Variants in FOXA1 observed in about 807,000 individuals in gnomAD.
The protein encoded by FOXA1 is forkhead box A1.
In FOXA1, 9 loss-of-function variants were observed where a neutral mutation model predicts 29.2. That is an observed-to-expected ratio of 0.31 (90% CI 0.19 to 0.54). The LOEUF is 0.54. Among genes scored for constraint, FOXA1 ranks in the 20% least tolerant of loss-of-function variants. The pLI, the probability that FOXA1 is intolerant of heterozygous loss-of-function variation, is 0.95. For synonymous variants in FOXA1, 340 were observed against 300.9 expected (o/e 1.13, Z -1.34); for missense variants, 644 against 681.2 (o/e 0.95, Z 0.61).
chr14:37,590,538 A>G lies in FOXA1; in HGVS notation c.*827T>C. 8.8e-6 allele frequency: 2 copies of G among 227,184 alleles called. No homozygotes were observed. The highest frequency in any genetic ancestry group is 1.7e-5 in the Non-Finnish European group (2 of 114,358). The allele number at this position is 227,184 out of a possible 1,614,324, so 14.1% of individuals were successfully genotyped here. A position where few individuals can be genotyped will look rare whatever the true frequency, so the allele number is the denominator to read the frequency against. On this transcript the variant is annotated 3_prime_UTR_variant, in exon 2 of 2. Transcript: ENST00000250448. ...GCAGAGTTCTTGAGGGCAATTCCTG[A>G]GGAATTGATTCCCAGGGCCATCTGT... is the stretch of plus-strand genomic sequence containing the variant.
At chr14:37,594,847 C>T in intron 1 of FOXA1, 54 bp downstream of exon 1, 3 of 1,456,722 alleles carry the variant, frequency 2.1e-6, no homozygotes, top group Non-Finnish European at 9.2e-7. Flanking sequence ...CGGCCTCCCC[C>T]GGCACGGGCT....
rs538494579 is a variant in FOXA1 at position 37,594,761 on chromosome 14, C to A, written c.72+140G>T. The A allele has an allele frequency of 1.4e-4, 60 of 437,154 alleles. No individual in the cohort carries two copies. In the East Asian group the frequency reaches 3.1e-3, roughly 22 times the overall value. The allele number at this position is 437,154 out of a possible 1,614,324, so 27.1% of individuals were successfully genotyped here. A position where few individuals can be genotyped will look rare whatever the true frequency, so the allele number is the denominator to read the frequency against. On this transcript the variant is annotated intron_variant, in intron 1 of 1. Coordinates refer to ENST00000250448, the MANE Select transcript of FOXA1 (RefSeq NM_004496.5). The stretch of plus-strand genomic sequence containing the variant: ...GGCCAAGGCCCGGCCGGGGCCACAC[C>A]GGCGGGCGGGCAGCGGTGGCACCGA...
chr14:37,592,623 G>C lies in FOXA1; in HGVS notation c.161C>G (p.Thr54Ser), dbSNP rs763349376. ...MNTYMTMNTMTTSGNMTPASF... is the reference protein window; with the variant it reads ...MNTYMTMNTMSTSGNMTPASF... The stretch of plus-strand genomic sequence containing the variant: ...CGCCGGGGTCATGTTGCCGCTCGTA[G>C]TCATGGTGTTCATGGTCATGTAGGT... The change falls in exon 2 of 2, where the codon ACT becomes AGT. Residue 54 changes from threonine to serine, a missense_variant. Coordinates refer to ENST00000250448, the MANE Select transcript of FOXA1 (RefSeq NM_004496.5). 6.2e-7 allele frequency: 1 copy of C among 1,614,236 alleles called. No individual in the cohort carries two copies. The highest frequency in any genetic ancestry group is 8.5e-7 in the Non-Finnish European group (1 of 1,180,046).
At position 37,591,895 on chromosome 14, in the gene FOXA1, G is replaced by A. The variant is rs1231726284; in HGVS notation, c.889C>T (p.Pro297Ser). 2.1e-6 allele frequency: 3 copies of A among 1,461,528 alleles called. No individual in the cohort carries two copies. Among genetic ancestry groups the A allele is most frequent in the East Asian group, 2.5e-5 (1 of 40,406 alleles). 90.5% of individuals were successfully genotyped at this position (1,461,528 alleles called of 1,614,324 possible). A position where few individuals can be genotyped will look rare whatever the true frequency, so the allele number is the denominator to read the frequency against. The change falls in exon 2 of 2, where the codon CCC becomes TCC. Residue 297 changes from proline (P) to serine (S), a missense_variant. Around this residue, in one of 5 missense-constraint regions of FOXA1, gnomAD observed 295 missense variants for 294.4 expected, o/e 1.00. Transcript: ENST00000250448. ...AKGGPESRKDPSGASNPSADS... is the reference protein window; with the variant it reads ...AKGGPESRKDSSGASNPSADS... The stretch of plus-strand genomic sequence containing the variant: ...GCGCTGGGGTTAGAGGCGCCAGAGG[G>A]GTCCTTGCGGCTCTCAGGGCCGCCC...
chr14:37,594,326 GA>G, intron 1 of FOXA1: 1 of 1,118,822 alleles, frequency 8.9e-7, no homozygotes, highest in Non-Finnish European at 1.1e-6. Flanking sequence ...CCAGAGTTGT[GA>G]AGAAGATTTT....
chr14:37,591,360 G>A lies in FOXA1; in HGVS notation c.*5C>T, dbSNP rs2139179548. 5.6e-6 allele frequency: 9 copies of A among 1,612,738 alleles called. No homozygotes were observed. Among genetic ancestry groups the A allele is most frequent in the Non-Finnish European group, 7.6e-6 (9 of 1,180,012 alleles). ...TATGCCAGACAAACCCCCCAGTCCC[G>A]GGAGCTAGGAAGTGTTTAGGACGGG... On this transcript the variant is annotated 3_prime_UTR_variant, in exon 2 of 2. Coordinates refer to ENST00000250448, the MANE Select transcript of FOXA1 (RefSeq NM_004496.5).
In FOXA1 at chr14:37,592,663, T is replaced by C; in HGVS notation, c.121A>G (p.Met41Val). 1 of 1,614,124 alleles carries C rather than the reference T, an allele frequency of 6.2e-7. No individual in the cohort carries two copies. Among genetic ancestry groups the C allele is most frequent in the Non-Finnish European group, 8.5e-7 (1 of 1,180,030 alleles). The change falls in exon 2 of 2, where the codon ATG becomes GTG. Residue 41 changes from methionine to valine, a missense_variant. By Grantham distance (21) the Met-to-Val change is conservative. Around this residue, in one of 5 missense-constraint regions of FOXA1, gnomAD observed 309 missense variants for 307.0 expected, o/e 1.01. Coordinates refer to ENST00000250448, the MANE Select transcript of FOXA1 (RefSeq NM_004496.5). The part of the protein sequence containing the change: ...VSNMNSGLGS[M>V]NSMNTYMTMN... ...GTCATGTAGGTGTTCATGGAGTTCA[T>C]GGAGCCCAGGCCTGAGTTCATGTTG...
rs765255860 is a variant in FOXA1 at position 37,592,377 on chromosome 14, G to C, written c.407C>G (p.Pro136Arg). 23 of 1,603,030 alleles carry C rather than the reference G, an allele frequency of 1.4e-5. No homozygotes were observed. Among genetic ancestry groups the C allele is most frequent in the Admixed American group, 3.4e-5 (2 of 59,334 alleles). ...CGCGTACGCCATGGGGCTCATGCAC[G>C]GGTTCATGGCGGCCGCGTAGGGGCC... ...GLGPYAAAMN[P>R]CMSPMAYAPS... The change falls in exon 2 of 2, where the codon CCG becomes CGG. Residue 136 changes from proline (P) to arginine (R), a missense_variant. By Grantham distance (103) the Pro-to-Arg change is moderately radical (BLOSUM62 -2). Transcript: ENST00000250448.
chr14:37,592,767 C>G (rs1566825082), intron 1 of FOXA1, 56 bp from the exon 2 acceptor site: 3 of 1,599,780 alleles, frequency 1.9e-6, no homozygotes, highest in Non-Finnish European at 2.5e-6. Context: ...GTGGTGGGCA[C>G]TGGAGGGCGG....
chr14:37,594,209 A>G, intron 1 of FOXA1: 28 of 1,285,714 alleles, frequency 2.2e-5, no homozygotes, highest in Non-Finnish European at 2.6e-5. Context: ...AATAGGTGGT[A>G]GTCCTCCCTG....
rs2095595574 is a variant in FOXA1 at position 37,591,611 on chromosome 14, G to A, written c.1173C>T (p.Asp391=). 1 of 1,610,828 alleles carries A rather than the reference G, an allele frequency of 6.2e-7. No individual in the cohort carries two copies. Among genetic ancestry groups the A allele is most frequent in the Non-Finnish European group, 8.5e-7 (1 of 1,178,316 alleles). ...ACGGGTGGTTGAAGGAGTAGTGGGG[G>A]TCCCCTTTCAGGTGCAGCTGGGACT... is the stretch of plus-strand genomic sequence containing the variant. ...PHESQLHLKG[D]PHYSFNHPFS... The change falls in exon 2 of 2, where the codon GAC becomes GAT. Residue 391 remains aspartate (D), a synonymous_variant. Coordinates refer to ENST00000250448, the MANE Select transcript of FOXA1 (RefSeq NM_004496.5).
In FOXA1 at chr14:37,591,594, T is replaced by A. The variant is rs1019963817; in HGVS notation, c.1190A>T (p.Asn397Ile). Residue 397 changes from asparagine to isoleucine, a missense_variant, in exon 2 of 2, where the codon AAC becomes ATC. By Grantham distance (149) the Asn-to-Ile change is moderately radical (BLOSUM62 -3). Coordinates refer to ENST00000250448, the MANE Select transcript of FOXA1 (RefSeq NM_004496.5). ...GAGGTTGTTGATGGAGAACGGGTGG[T>A]TGAAGGAGTAGTGGGGGTCCCCTTT... ...HLKGDPHYSF[N>I]HPFSINNLMS... 6.2e-7 allele frequency: 1 copy of A among 1,613,606 alleles called. No homozygotes were observed. Among genetic ancestry groups the A allele is most frequent in the Non-Finnish European group, 8.5e-7 (1 of 1,179,760 alleles).
At chr14:37,594,478 G>A (rs1238996801) in intron 1 of FOXA1, 2 of 622,352 alleles carry the variant, frequency 3.2e-6, no homozygotes, top group East Asian at 2.7e-4. Flanking sequence ...GCTTTAATCA[G>A]AAGACGTCTG....
Position 37,595,047 on chromosome 14 carries a change from G to A in FOXA1, c.-75C>T. ...GGGCGGCCGCGCGGCGCGGGGCGGG[G>A]GAGGGGAGCTGAGCAGCTGCAGTCA... On this transcript the variant is annotated 5_prime_UTR_variant, in exon 1 of 2. Coordinates refer to ENST00000250448, the MANE Select transcript of FOXA1 (RefSeq NM_004496.5). 4.3e-6 allele frequency: 6 copies of A among 1,403,808 alleles called. No homozygotes were observed. Among genetic ancestry groups the A allele is most frequent in the Admixed American group, 1.9e-5 (1 of 51,898 alleles). The allele number at this position is 1,403,808 out of a possible 1,614,324, so 87.0% of individuals were successfully genotyped here.
In FOXA1 at chr14:37,592,548, G is replaced by A. The variant is rs1387961059; in HGVS notation, c.236C>T (p.Pro79Leu). ...CCCCGGCATGCCGGCTACTGCGCCG[G>A]GACTCAGGCCGGCCCCTAGGCCCGG... ...ANPGLGAGLS[P>L]GAVAGMPGGS... The change falls in exon 2 of 2, where the codon CCC (proline) becomes CTC (leucine). Residue 79 changes from proline to leucine, a missense_variant. Coordinates refer to ENST00000250448, the MANE Select transcript of FOXA1 (RefSeq NM_004496.5). 6.2e-7 allele frequency: 1 copy of A among 1,613,854 alleles called. No homozygotes were observed. The highest frequency in any genetic ancestry group is 1.1e-5 in the South Asian group (1 of 91,082).
rs1398363130 is a variant in FOXA1 at position 37,589,640 on chromosome 14, A to C, written c.*1725T>G. ...ATAAAGAAAAGTGATACATTGGGGA[A>C]GGAGGAAAGGTAGTTAAATTAATAT... On this transcript the variant is annotated 3_prime_UTR_variant, in exon 2 of 2. Coordinates refer to ENST00000250448, the MANE Select transcript of FOXA1 (RefSeq NM_004496.5). Among the ~76,000 whole-genome samples the C allele has an allele frequency of 6.6e-6, 1 of 151,994 alleles. No individual in the cohort carries two copies. The highest frequency in any genetic ancestry group is 1.5e-5 in the Non-Finnish European group (1 of 67,990).
rs2139182782 is a variant in FOXA1, at chr14:37,592,263, G to A, written c.521C>T (p.Ser174Leu). 1 of 1,613,838 alleles carries A rather than the reference G, an allele frequency of 6.2e-7. No individual in the cohort carries two copies. The highest frequency in any genetic ancestry group is 8.5e-7 in the Non-Finnish European group (1 of 1,179,848). ...RSYPHAKPPY[S>L]YISLITMAIQ... ...GGCCATGGTGATGAGCGAGATGTAC[G>A]AGTAGGGCGGCTTGGCGTGCGGGTA... Residue 174 changes from serine to leucine, a missense_variant, in exon 2 of 2, where the codon TCG becomes TTG. Transcript: ENST00000250448.
intron 1 of FOXA1, chr14:37,594,105 C>G (rs2095599186): frequency 7.8e-7 from 1 of 1,278,962 alleles, no homozygotes; most frequent in Non-Finnish European, 1.0e-6. Context: ...TCCCTCTTCC[C>G]AAGATTATCC....
At chr14:37,593,074 A>G (rs929025454) in intron 1 of FOXA1, among the ~76,000 whole-genome samples, 2 of 152,196 alleles carry the variant, frequency 1.3e-5, no homozygotes, top group Admixed American at 1.3e-4. Context: ...AGCCTCGGCA[A>G]AGCGCCCTTT....
Sources: gnomAD v4.1 joint callset for allele counts (sites outside exome capture counted in the v4.1 genomes callset) on GRCh38, gnomAD v4.1.1 for gene constraint, gnomAD v4.1.1 regional missense constraint, MANE v1.5 for transcripts, NCBI Gene and HGNC (gene_info 2026-07-23, HGNC 2026-07-21) for gene names.